LBR: variants seen among roughly 807,000 people sequenced by gnomAD.
LBR encodes delta(14)-sterol reductase LBR.
Under a neutral mutation model 74.3 loss-of-function variants are expected in LBR, and 28 were observed. The ratio of observed to expected loss-of-function variants is 0.38; its 90% CI spans 0.28 to 0.52. LBR has a LOEUF of 0.52. Among genes scored for constraint, LBR ranks in the 20% least tolerant of loss-of-function variants. The pLI is 0.89. For synonymous variants in LBR, 228 were observed against 269.3 expected, an observed-to-expected ratio of 0.85 and a Z score of 1.50; for missense variants, 717 against 760.3, an observed-to-expected ratio of 0.94 and a Z score of 0.67.
intron 13 of LBR, among the ~76,000 whole-genome samples, chr1:225,403,809 A>T (rs2096085891): frequency 6.6e-6 from 1 of 152,098 alleles, no homozygotes; most frequent in Admixed American, 6.5e-5. Flanking sequence ...CCAAACAGGC[A>T]GCAGGCACGG....
chr1:225,413,159 A>G (rs901695701), intron 7 of LBR, among the ~76,000 whole-genome samples: 3 of 152,252 alleles, frequency 2.0e-5, no homozygotes, highest in Non-Finnish European at 4.4e-5. Context: ...GTAAAACTCT[A>G]TCATCCAGAA....
rs1030333738 is a variant in LBR at position 225,402,179 on chromosome 1, T to C, written c.*1124A>G. The C allele has an allele frequency of 6.6e-6, 1 of 152,172 alleles. No homozygotes were observed. Among genetic ancestry groups the C allele is most frequent in the African/African-American group, 2.4e-5 (1 of 41,440 alleles). 9.4% of individuals were successfully genotyped at this position (152,172 alleles called of 1,614,324 possible). The stretch of plus-strand genomic sequence containing the variant: ...TCAGTTGTTTTTAAGACAGCACTCC[T>C]TTACAGGGAGTCAGGTTTGGTAAAT... On this transcript the variant is annotated 3_prime_UTR_variant, in exon 14 of 14. Transcript: ENST00000272163.
rs12097737 is a variant in LBR, at chr1:225,416,946, C to T, written c.837+1038G>A. On this transcript the variant is annotated intron_variant, in intron 6 of 13. Coordinates refer to ENST00000272163, the MANE Select transcript of LBR (RefSeq NM_002296.4). ...TCAGATTTTGGTATGTACAGGAGGTCCTGGAACCACTCCCCAAGGATATCA... is the reference window on the plus strand; with the variant it reads ...TCAGATTTTGGTATGTACAGGAGGTTCTGGAACCACTCCCCAAGGATATCA... Among the ~76,000 whole-genome samples, 851 of 152,190 alleles carry T rather than the reference C, an allele frequency of 5.6e-3. 10 individuals are homozygous for T. Among genetic ancestry groups the T allele is most frequent in the East Asian group, 0.042 (219 of 5,188 alleles).
rs1407916578 is a variant in LBR, at chr1:225,418,193, C to T, written c.641-13G>A. 1 of 1,610,190 alleles carries T rather than the reference C, an allele frequency of 6.2e-7. No homozygotes were observed. The highest frequency in any genetic ancestry group is 1.3e-5 in the African/African-American group (1 of 74,658). ...ATGAGAAACACACCTGCAAACAATT[C>T]ATGAACATTCGAGGCTCAAATTTCA... On this transcript the variant is annotated splice_polypyrimidine_tract_variant and intron_variant, in intron 5 of 13. Transcript: ENST00000272163.
intron 1 of LBR, among the ~76,000 whole-genome samples, chr1:225,425,725 C>T (rs951867559): frequency 6.6e-6 from 1 of 151,964 alleles, no homozygotes; most frequent in Admixed American, 6.5e-5. Context: ...CCTAGGCCCC[C>T]CAAAATCAAA....
intron 8 of LBR, among the ~76,000 whole-genome samples, chr1:225,411,879 G>A (rs1400944084): frequency 1.3e-5 from 2 of 152,162 alleles, no homozygotes; most frequent in Non-Finnish European, 2.9e-5. Flanking sequence ...GCACAGTCTC[G>A]GCTCACTGCA....
At chr1:225,426,727 T>C (rs112208637) in intron 1 of LBR, among the ~76,000 whole-genome samples, 3 of 152,166 alleles carry the variant, frequency 2.0e-5, no homozygotes, top group African/African-American at 7.2e-5. Context: ...GTAGCCCCAC[T>C]AGGCAAAATG....
chr1:225,423,765 G>T, intron 2 of LBR, 146 bp downstream of exon 2: 1 of 798,826 alleles, frequency 1.3e-6, no homozygotes, highest in East Asian at 2.4e-5. Flanking sequence ...CATTCCCAGA[G>T]CCAAAAACAG....
In LBR at chr1:225,418,154, G is replaced by A. The variant is rs572319132; in HGVS notation, c.667C>T (p.Pro223Ser). ...PGVFLIMFGL[P>S]VFLFLLLLMC... ...AACAGCAACAGGAAGAGGAACACAG[G>A]CAGGCCAAACATGATGAGAAACACA... Residue 223 changes from proline to serine, a missense_variant, in exon 6 of 14, where the codon CCT becomes TCT. Coordinates refer to ENST00000272163, the MANE Select transcript of LBR (RefSeq NM_002296.4). 1.2e-6 allele frequency: 2 copies of A among 1,613,990 alleles called. No homozygotes were observed. The highest frequency in any genetic ancestry group is 2.2e-5 in the East Asian group (1 of 44,884).
chr1:225,416,220 A>G (rs1179507773), intron 6 of LBR, among the ~76,000 whole-genome samples: 1 of 151,082 alleles, frequency 6.6e-6, no homozygotes, highest in Non-Finnish European at 1.5e-5. Context: ...AAAAAGAGAG[A>G]GAGAGAGAGA....
chr1:225,412,999 C>T (rs1172857617), intron 7 of LBR, among the ~76,000 whole-genome samples: 1 of 152,148 alleles, frequency 6.6e-6, no homozygotes, highest in African/African-American at 2.4e-5. Flanking sequence ...CAGAGCTGGG[C>T]CAAACACATA....
chr1:225,422,396 G>A (rs748408707), intron 2 of LBR, 119 bp from the exon 3 acceptor site: 22 of 810,276 alleles, frequency 2.7e-5, no homozygotes, highest in Non-Finnish European at 3.7e-5. Flanking sequence ...AAATCAGCAC[G>A]GGAAATGTTA....
intron 6 of LBR, among the ~76,000 whole-genome samples, chr1:225,415,908 A>G: frequency 6.6e-6 from 1 of 152,166 alleles, no homozygotes. Flanking sequence ...ATCTGCAATA[A>G]GAGACTGTGA....
At chr1:225,423,703 C>G (rs1346043452) in intron 2 of LBR, among the ~76,000 whole-genome samples, 1 of 152,232 alleles carries the variant, frequency 6.6e-6, no homozygotes, top group East Asian at 1.9e-4. Flanking sequence ...AAATGGCTGT[C>G]TTTCCCAGTA....
intron 3 of LBR, among the ~76,000 whole-genome samples, chr1:225,421,372 A>G (rs1033561754): frequency 2.6e-5 from 4 of 152,202 alleles, no homozygotes; most frequent in Non-Finnish European, 4.4e-5. Flanking sequence ...GGGCGCCTGT[A>G]GTCCCAGCTA....
At chr1:225,423,737 G>C (rs908527674) in intron 2 of LBR, among the ~76,000 whole-genome samples, 174 bp downstream of exon 2, 2 of 152,146 alleles carry the variant, frequency 1.3e-5, no homozygotes, top group East Asian at 3.8e-4. Flanking sequence ...TGGGAACAAG[G>C]ACTATGCCTC....
Position 225,423,989 on chromosome 1 carries a change from G to A in LBR, c.87C>T (p.Ser29=). Residue 29 remains serine (S), a synonymous_variant, in exon 2 of 14, where the codon AGC becomes AGT. Transcript: ENST00000272163. ...SSLYYEVEIL[S]HDSTSQLYTV... is the part of the protein sequence containing the mutation. ...TGTAAAGCTGGGAGGTGCTGTCGTGGCTCAGAATTTCTACTTCATAATAAA... is the reference window on the plus strand; with the variant it reads ...TGTAAAGCTGGGAGGTGCTGTCGTGACTCAGAATTTCTACTTCATAATAAA... 1.2e-6 allele frequency: 2 copies of A among 1,613,640 alleles called. No individual in the cohort carries two copies. The highest frequency in any genetic ancestry group is 1.7e-6 in the Non-Finnish European group (2 of 1,179,634).
intron 9 of LBR, 62 bp downstream of exon 9, chr1:225,411,275 T>A (rs999081365): frequency 1.7e-6 from 2 of 1,177,694 alleles, no homozygotes; most frequent in African/African-American, 1.5e-5. Context: ...GGTCTACATT[T>A]CTTTCTAGCA....
chr1:225,424,138 G>A lies in LBR; in HGVS notation c.-14-49C>T. ...TTTGAGTCAATACATACACATTTAT[G>A]TATTCGTCTTTTTCCACAGGCTGAT... On this transcript the variant is annotated intron_variant, in intron 1 of 13. Transcript: ENST00000272163. 5.0e-6 allele frequency: 7 copies of A among 1,391,814 alleles called. 1 individual carries two copies. Among genetic ancestry groups the A allele is most frequent in the South Asian group, 4.6e-5 (4 of 86,548 alleles). The allele number at this position is 1,391,814 out of a possible 1,614,324, so 86.2% of individuals were successfully genotyped here. A position where few individuals can be genotyped will look rare whatever the true frequency, so the allele number is the denominator to read the frequency against.
Sources: gnomAD v4.1 joint callset for allele counts (sites outside exome capture counted in the v4.1 genomes callset) on GRCh38, gnomAD v4.1.1 for gene constraint, MANE v1.5 for transcripts, NCBI Gene and HGNC (gene_info 2026-07-23, HGNC 2026-07-21) for gene names.